The following NFIC variants were observed in gnomAD, a reference collection of about 807,000 sequenced individuals.
NFIC encodes the protein nuclear factor 1 C-type.
A neutral mutation model predicts 54.4 loss-of-function variants in NFIC; 12 were observed. The ratio of observed to expected loss-of-function variants is 0.22; its 90% CI spans 0.14 to 0.36. NFIC has a LOEUF of 0.36. NFIC is among the 10% of genes least tolerant of loss of function. The pLI is 1.00. For synonymous variants in NFIC, 322 were observed against 319.2 expected (o/e 1.01, Z -0.09); for missense variants, 575 against 718.2 (o/e 0.80, Z 2.28).
chr19:3,363,524 G>A (rs368980020), upstream of NFIC, among the ~76,000 whole-genome samples: 71 of 151,416 alleles, frequency 4.7e-4, no homozygotes, highest in East Asian at 0.012. Flanking sequence ...TGCCTGCCTC[G>A]GCCTCCCAAA....
At position 3,464,716 on chromosome 19, in the gene NFIC, C is replaced by A; in HGVS notation, c.*1947C>A. The A allele has an allele frequency of 1.0e-6, 1 of 985,356 alleles. No homozygotes were observed. Among genetic ancestry groups the A allele is most frequent in the Non-Finnish European group, 1.2e-6 (1 of 830,060 alleles). The allele number at this position is 985,356 out of a possible 1,614,324, so 61.0% of individuals were successfully genotyped here. ...CTCAGGAGCTTGGCGAACCCGCTCG[C>A]TCCTAAAGAGAAAGACCCAGGACCC... On this transcript the variant is annotated 3_prime_UTR_variant, in exon 11 of 11. Coordinates refer to ENST00000443272, the MANE Select transcript of NFIC (RefSeq NM_001245002.2).
chr19:3,377,156 G>A (rs1019375635), intron 1 of NFIC, among the ~76,000 whole-genome samples: 14 of 149,672 alleles, frequency 9.4e-5, no homozygotes, highest in African/African-American at 1.5e-4. Context: ...GTGAACCCCC[G>A]TCTCTACTAA....
rs576471661 is a variant in NFIC, at chr19:3,453,673, G to A, written c.1270-90G>A. The A allele has an allele frequency of 7.2e-4, 1,065 of 1,488,600 alleles. No homozygotes were observed. The highest frequency in any genetic ancestry group is 1.6e-3 in the Middle Eastern group (9 of 5,712). 92.2% of individuals were successfully genotyped at this position (1,488,600 alleles called of 1,614,324 possible). On this transcript the variant is annotated intron_variant, in intron 8 of 10. Coordinates refer to ENST00000443272, the MANE Select transcript of NFIC (RefSeq NM_001245002.2). This position sits in a 1 kb window ranked among gnomAD's most constrained non-coding sequence, Gnocchi z 6.7. ...CCCCCCAGCCTGCCACCCCGTCCGG[G>A]CCGTGCACAGAGCCGGGGGCGGCCG... is the stretch of plus-strand genomic sequence containing the variant.
chr19:3,443,201 A>G (rs1295447270), intron 6 of NFIC, among the ~76,000 whole-genome samples: 1 of 152,238 alleles, frequency 6.6e-6, no homozygotes, highest in African/African-American at 2.4e-5. Context: ...TGGGAGGCCA[A>G]GGCTGGAGGA....
chr19:3,366,550 G>C, upstream of NFIC: 2 of 620,256 alleles, frequency 3.2e-6, no homozygotes, highest in East Asian at 4.2e-5. Flanking sequence ...GGGGGGTTGG[G>C]GGGGGCGGGG....
Position 3,375,838 on chromosome 19 carries a change from G to A in NFIC, c.31-5874G>A, listed in dbSNP as rs941942576. 2.0e-5 allele frequency among the ~76,000 whole-genome samples: 3 copies of A among 152,282 alleles called. No homozygotes were observed. The highest frequency in any genetic ancestry group is 2.9e-5 in the Non-Finnish European group (2 of 68,022). On this transcript the variant is annotated intron_variant, in intron 1 of 10. Coordinates refer to ENST00000443272, the MANE Select transcript of NFIC (RefSeq NM_001245002.2). The surrounding 1 kb of genome is among the most constrained non-coding windows in gnomAD (Gnocchi z 4.6). ...TGGCAGCAGCTGCTCTGCCCATCCC[G>A]GCCTGGAAATGGGACCGAGTCCAGC... is the stretch of plus-strand genomic sequence containing the variant.
intron 2 of NFIC, among the ~76,000 whole-genome samples, chr19:3,391,013 AG>A (rs1477067354): frequency 6.6e-6 from 1 of 152,150 alleles, no homozygotes; most frequent in African/African-American, 2.4e-5. Context: ...AATGGTTAAA[AG>A]AGAGGCAGGA....
At chr19:3,418,968 G>A (rs562568496) in intron 2 of NFIC, among the ~76,000 whole-genome samples, 6 of 152,290 alleles carry the variant, frequency 3.9e-5, no homozygotes, top group East Asian at 3.9e-4. Context: ...GAGAAAAGCC[G>A]GACACAGAAG....
intron 6 of NFIC, among the ~76,000 whole-genome samples, chr19:3,446,719 C>T (rs1484904871): frequency 6.6e-6 from 1 of 152,200 alleles, no homozygotes; most frequent in Non-Finnish European, 1.5e-5. Context: ...AAGATGTGAT[C>T]CTTAGCCCTC....
At chr19:3,390,007 AAG>A (rs2081354046) in intron 2 of NFIC, among the ~76,000 whole-genome samples, 1 of 152,184 alleles carries the variant, frequency 6.6e-6, no homozygotes, top group Admixed American at 6.5e-5. Context: ...AACAAACAAA[AAG>A]AATGCTCATT....
chr19:3,454,177 C>T (rs1190242074), intron 9 of NFIC: 2 of 1,255,848 alleles, frequency 1.6e-6, no homozygotes, highest in East Asian at 3.3e-5. Context: ...CTGGGGGACC[C>T]CGGTGCCCGC....
At position 3,382,255 on chromosome 19, in the gene NFIC, T is replaced by G. The variant is rs200099346; in HGVS notation, c.562+12T>G. ...CGTGCGTGAGCGAGGTGAGGTGTGG[T>G]GGCCTGAGCGGAGCGGCCAGCGGGG... On this transcript the variant is annotated intron_variant, in intron 2 of 10. Transcript: ENST00000443272. 3.3e-4 allele frequency: 520 copies of G among 1,595,234 alleles called. 1 individual carries two copies. The highest frequency in any genetic ancestry group is 4.2e-4 in the Non-Finnish European group (499 of 1,176,324).
intron 3 of NFIC, among the ~76,000 whole-genome samples, chr19:3,429,292 A>ACACACACACACACACT (rs2082084294): frequency 7.3e-6 from 1 of 137,120 alleles, no homozygotes; most frequent in Non-Finnish European, 1.5e-5. Context: ...ACACACACAC[A>ACACACACACACACACT]CACTAGCCAA....
chr19:3,385,392 A>C (rs2081279083), intron 2 of NFIC, among the ~76,000 whole-genome samples: 1 of 152,008 alleles, frequency 6.6e-6, no homozygotes, highest in African/African-American at 2.4e-5. Flanking sequence ...CCTTGTGGGA[A>C]ATGTCAAGTG....
chr19:3,401,122 C>A (rs1407042729), intron 2 of NFIC, among the ~76,000 whole-genome samples: 1 of 152,138 alleles, frequency 6.6e-6, no homozygotes, highest in Non-Finnish European at 1.5e-5. Flanking sequence ...AGTGAGGAGG[C>A]CTGTGTGGCT....
rs1173699788 is a variant in NFIC at position 3,469,076 on chromosome 19, TTTTG to T, written c.*6311_*6314del. The T allele has an allele frequency of 6.6e-6, 1 of 152,084 alleles. No homozygotes were observed. The highest frequency in any genetic ancestry group is 6.5e-5 in the Admixed American group (1 of 15,268). The allele number at this position is 152,084 out of a possible 1,614,324, so 9.4% of individuals were successfully genotyped here. On this transcript the variant is annotated 3_prime_UTR_variant, in exon 11 of 11. Transcript: ENST00000443272. ...CAGAAAGTGACTCTGGCTGTCATTA[TTTTG>T]TTTATTTGTTCCCTATGCAAAAAAA...
intron 1 of NFIC, among the ~76,000 whole-genome samples, chr19:3,367,028 G>GC (rs1223235903): frequency 6.6e-6 from 1 of 151,376 alleles, no homozygotes; most frequent in Non-Finnish European, 1.5e-5. Context: ...GTGGGGGCTG[G>GC]CCCCCCTCCA....
intron 3 of NFIC, among the ~76,000 whole-genome samples, chr19:3,431,385 T>C (rs1450870088): frequency 1.5e-5 from 2 of 131,252 alleles, no homozygotes; most frequent in Non-Finnish European, 3.1e-5. Context: ...TTTTTTTTTT[T>C]TGAGACAGGG....
intron 9 of NFIC, among the ~76,000 whole-genome samples, chr19:3,455,346 T>C (rs2082535079): frequency 1.3e-5 from 2 of 150,964 alleles, no homozygotes. Context: ...CAGTAGACAC[T>C]TAATAGATGC....
Sources: allele counts gnomAD v4.1 joint callset (sites outside exome capture counted in the v4.1 genomes callset), GRCh38; gene constraint gnomAD v4.1.1; non-coding constraint Gnocchi (gnomAD v3.1); transcripts MANE v1.5; gene names NCBI Gene and HGNC (gene_info 2026-07-23, HGNC 2026-07-21).